PDK3: variants seen among roughly 807,000 people sequenced by gnomAD.
PDK3 encodes the protein pyruvate dehydrogenase kinase 3.
Under a neutral mutation model 32.0 loss-of-function variants are expected in PDK3, and 12 were observed. That is an observed-to-expected ratio of 0.37 (90% CI 0.24 to 0.61). The LOEUF is 0.61. PDK3 is among the 20% of genes least tolerant of loss of function. PDK3 has a pLI of 0.65. For synonymous variants in PDK3, 122 were observed against 116.3 expected (o/e 1.05, Z -0.31); for missense variants, 188 against 316.9 (o/e 0.59, Z 3.09).
chrX:24,473,203 G>A (rs753417329), intron 1 of PDK3, among the ~76,000 whole-genome samples: 65 of 105,140 alleles, frequency 6.2e-4, no homozygotes, highest in Non-Finnish European at 1.0e-3. Flanking sequence ...GTGAAACCCC[G>A]TCTCTACTAA....
exon 12 of PDK3, among the ~76,000 whole-genome samples, chrX:24,542,526 C>T (rs1218234347): frequency 1.8e-5 from 2 of 112,650 alleles, no homozygotes; most frequent in Non-Finnish European, 3.8e-5. Flanking sequence ...TGAGGAATTT[C>T]TTCAGTATAC....
chrX:24,476,132 C>A (rs2148181024), intron 1 of PDK3, among the ~76,000 whole-genome samples: 1 of 111,071 alleles, frequency 9.0e-6, no homozygotes, highest in South Asian at 3.8e-4. Context: ...TTTAGGAATA[C>A]CCTGGTCTAA....
intron 2 of PDK3, among the ~76,000 whole-genome samples, chrX:24,498,527 C>T (rs921808660): frequency 3.6e-5 from 4 of 112,202 alleles, no homozygotes; most frequent in African/African-American, 1.3e-4. Flanking sequence ...ACAGTATGTC[C>T]ATTCCTGAGC....
chrX:24,516,309 C>T lies in PDK3; in HGVS notation c.596-2624C>T, dbSNP rs773503572. Among the ~76,000 whole-genome samples, 17 of 111,310 alleles carry T rather than the reference C, an allele frequency of 1.5e-4. No homozygotes were observed. In the South Asian group the frequency reaches 4.9e-3, roughly 32 times the overall value. On this transcript the variant is annotated intron_variant, in intron 5 of 10. Coordinates refer to ENST00000379162, the MANE Select transcript of PDK3 (RefSeq NM_005391.5). ...AATCCTGTTGAGAACATTCCAAATGCGCCCACGAAGCAGCAGTTTTCTACT... is the reference window on the plus strand; with the variant it reads ...AATCCTGTTGAGAACATTCCAAATGTGCCCACGAAGCAGCAGTTTTCTACT...
Position 24,474,440 on chromosome X carries a change from G to GT in PDK3, c.106+8880dup, listed in dbSNP as rs1195766343. On this transcript the variant is annotated intron_variant, in intron 1 of 10. Coordinates refer to ENST00000379162, the MANE Select transcript of PDK3 (RefSeq NM_005391.5). ...ATTTATTTATTTATTTTGAGACGGA[G>GT]TCTCACTCTGTCGCCCAGGCTAGAG... 9.3e-5 allele frequency among the ~76,000 whole-genome samples: 10 copies of GT among 106,961 alleles called. 1 individual carries two copies. The East Asian group carries it at 2.9e-3, about 31-fold the overall frequency. 92.9% of individuals were successfully genotyped at this position (106,961 alleles called of 115,157 possible). A position where few individuals can be genotyped will look rare whatever the true frequency, so the allele number is the denominator to read the frequency against.
downstream of PDK3, among the ~76,000 whole-genome samples, chrX:24,536,037 G>GAAGGA (rs777125807): frequency 9.2e-6 from 1 of 108,820 alleles, no homozygotes; most frequent in Non-Finnish European, 1.9e-5. Flanking sequence ...GGAGGGAAGG[G>GAAGGA]AAGGAAAGGA....
chrX:24,517,787 C>T (rs1460288178), intron 5 of PDK3, among the ~76,000 whole-genome samples: 3 of 111,953 alleles, frequency 2.7e-5, no homozygotes, highest in East Asian at 2.8e-4. Flanking sequence ...CTTTAAAAAG[C>T]GGACTGTTGC....
At chrX:24,478,219 T>C (rs1921160714) in intron 1 of PDK3, among the ~76,000 whole-genome samples, 1 of 110,778 alleles carries the variant, frequency 9.0e-6, no homozygotes, top group Admixed American at 9.6e-5. Flanking sequence ...ACAAGGTGGG[T>C]GAATCACTTG....
intron 8 of PDK3, 30 bp from the exon 9 acceptor site, chrX:24,528,041 CTTTGT>C: frequency 2.4e-6 from 2 of 848,989 alleles, no homozygotes; most frequent in Non-Finnish European, 3.5e-6. Context: ...AGATCAACTT[CTTTGT>C]TTTGATTGTT....
At chrX:24,541,927 CCTGACACAT>C (rs1397664579) in exon 12 of PDK3, among the ~76,000 whole-genome samples, 1 of 111,057 alleles carries the variant, frequency 9.0e-6, no homozygotes, top group African/African-American at 3.3e-5. Context: ...TAAAATAGTG[CCTGACACAT>C]AGTAGGTGCT....
intron 1 of PDK3, among the ~76,000 whole-genome samples, chrX:24,488,255 A>C (rs1921455627): frequency 9.0e-6 from 1 of 111,448 alleles, no homozygotes; most frequent in Non-Finnish European, 1.9e-5. Flanking sequence ...TTACATTGAA[A>C]GTCATTTATA....
chrX:24,485,303 G>A (rs1476841477), intron 1 of PDK3, among the ~76,000 whole-genome samples: 1 of 112,167 alleles, frequency 8.9e-6, no homozygotes, highest in Non-Finnish European at 1.9e-5. Flanking sequence ...AGCTGGGATC[G>A]TGCCTCTGCA....
chrX:24,535,437 A>G (rs1462963061), downstream of PDK3, among the ~76,000 whole-genome samples: 1 of 104,628 alleles, frequency 9.6e-6, no homozygotes, highest in African/African-American at 3.5e-5. Context: ...CCCAGGAGAC[A>G]GAGGTTGCAG....
chrX:24,514,581 C>G (rs1268324703), intron 5 of PDK3, among the ~76,000 whole-genome samples: 1 of 111,827 alleles, frequency 8.9e-6, no homozygotes, highest in African/African-American at 3.2e-5. Context: ...GCATTTTACT[C>G]TAAATGTAAA....
chrX:24,549,532 C>T (rs767161890), exon 12 of PDK3: 18 of 111,907 alleles, frequency 1.6e-4, no homozygotes, highest in African/African-American at 5.5e-4. Context: ...CCATTATGTT[C>T]ATTGTTACAA....
Position 24,519,305 on chromosome X carries a change from AT to A in PDK3, c.673+296del, listed in dbSNP as rs1922336023. Among the ~76,000 whole-genome samples the A allele has an allele frequency of 2.7e-5, 3 of 110,121 alleles. No individual in the cohort carries two copies. In the South Asian group the frequency reaches 1.2e-3, roughly 42 times the overall value. ...TAACAAATGCAAGCAGTCGATCAAC[AT>A]ATGGAAAAGTGTTTAACTTCACTAA... On this transcript the variant is annotated intron_variant, in intron 6 of 10. Coordinates refer to ENST00000379162, the MANE Select transcript of PDK3 (RefSeq NM_005391.5).
chrX:24,510,598 AT>A (rs200742346), intron 5 of PDK3, among the ~76,000 whole-genome samples: 4,367 of 111,681 alleles, frequency 0.039, 216 homozygotes, highest in African/African-American at 0.13. Context: ...AATCCATAGT[AT>A]TTTTGAATTT....
chrX:24,531,073 G>T (rs1413187718), intron 9 of PDK3, among the ~76,000 whole-genome samples: 4 of 110,156 alleles, frequency 3.6e-5, no homozygotes, highest in Non-Finnish European at 7.6e-5. Flanking sequence ...GTGTGTGTGT[G>T]TGTGTGTGTG....
chrX:24,488,630 C>T (rs1316017530), intron 1 of PDK3, among the ~76,000 whole-genome samples: 3 of 111,161 alleles, frequency 2.7e-5, no homozygotes, highest in Non-Finnish European at 5.7e-5. Flanking sequence ...TGGAGGTTGC[C>T]GCCACTTGGT....
Sources: allele counts gnomAD v4.1 joint callset (sites outside exome capture counted in the v4.1 genomes callset), GRCh38; gene constraint gnomAD v4.1.1; transcripts MANE v1.5; gene names NCBI Gene and HGNC (gene_info 2026-07-23, HGNC 2026-07-21).